RBFOX1: variants seen among roughly 807,000 people sequenced by gnomAD.
RBFOX1 encodes RNA binding fox-1 homolog 1.
Under a neutral mutation model 57.7 loss-of-function variants are expected in RBFOX1, and 8 were observed. The ratio of observed to expected loss-of-function variants is 0.14; its 90% confidence interval spans 0.08 to 0.25. The LOEUF is 0.25. Among genes scored for constraint, RBFOX1 ranks in the 10% least tolerant of loss-of-function variants. The pLI is 1.00. For missense variants in RBFOX1, 611 were observed against 548.5 expected, an observed-to-expected ratio of 1.11 and a Z score of -1.14; for synonymous variants, 326 against 222.4, an observed-to-expected ratio of 1.47 and a Z score of -4.15.
At chr16:5,800,145 C>A (rs553768807) in intron 3 of RBFOX1, among the ~76,000 whole-genome samples, 1 of 151,948 alleles carries the variant, frequency 6.6e-6, no homozygotes, top group South Asian at 2.1e-4. Flanking sequence ...AACTGTAGAA[C>A]AAGCCAGACT....
intron 2 of RBFOX1, among the ~76,000 whole-genome samples, chr16:6,432,426 C>T (rs773752509): frequency 3.3e-5 from 5 of 151,484 alleles, no homozygotes; most frequent in African/African-American, 9.7e-5. Context: ...AATACCAGCA[C>T]TTTGGGAGGG....
chr16:6,010,389 A>G (rs2094954444), intron 4 of RBFOX1, among the ~76,000 whole-genome samples: 1 of 152,224 alleles, frequency 6.6e-6, no homozygotes, highest in African/African-American at 2.4e-5. Context: ...GTTTTATACT[A>G]GCTCCAAGAA....
At chr16:6,077,511 T>G (rs2095922470) in intron 1 of RBFOX1, among the ~76,000 whole-genome samples, 1 of 152,052 alleles carries the variant, frequency 6.6e-6, no homozygotes, top group Non-Finnish European at 1.5e-5. Flanking sequence ...CTCTTGGAAT[T>G]GTGTCGTGCT....
At chr16:5,820,452 T>C (rs2055805544) in intron 3 of RBFOX1, among the ~76,000 whole-genome samples, 2 of 152,142 alleles carry the variant, frequency 1.3e-5, no homozygotes, top group East Asian at 3.9e-4. Flanking sequence ...CGTGCCGGGA[T>C]TGATCAGCAT....
chr16:6,611,191 G>A (rs756119419), intron 2 of RBFOX1, among the ~76,000 whole-genome samples: 1 of 152,180 alleles, frequency 6.6e-6, no homozygotes, highest in African/African-American at 2.4e-5. Flanking sequence ...CTGTCACCCA[G>A]GCTGGAGTAT....
At chr16:6,985,096 C>T (rs1304574291) in intron 3 of RBFOX1, among the ~76,000 whole-genome samples, 1 of 151,914 alleles carries the variant, frequency 6.6e-6, no homozygotes, top group African/African-American at 2.4e-5. Context: ...ATTTCCTCTC[C>T]CCTCTCCTTC....
At chr16:6,085,439 A>G (rs1031199080) in intron 1 of RBFOX1, among the ~76,000 whole-genome samples, 1 of 151,876 alleles carries the variant, frequency 6.6e-6, no homozygotes, top group Non-Finnish European at 1.5e-5. Flanking sequence ...TGCCCAGCTA[A>G]TTTTGTATTT....
chr16:7,526,596 C>T (rs1402662183), intron 5 of RBFOX1, among the ~76,000 whole-genome samples: 1 of 152,152 alleles, frequency 6.6e-6, no homozygotes, highest in Non-Finnish European at 1.5e-5. Context: ...GCCTCATGTA[C>T]TTACATTGAA....
intron 3 of RBFOX1, among the ~76,000 whole-genome samples, chr16:6,994,026 C>T (rs1414401928): frequency 6.6e-6 from 1 of 152,106 alleles, no homozygotes; most frequent in Non-Finnish European, 1.5e-5. Context: ...GGCTGAATTT[C>T]CTCAATCCAC....
At chr16:6,717,165 G>C (rs938323320) in intron 3 of RBFOX1, among the ~76,000 whole-genome samples, 2 of 152,230 alleles carry the variant, frequency 1.3e-5, no homozygotes, top group African/African-American at 2.4e-5. Flanking sequence ...AAGATGCACG[G>C]TCTATGGTAT....
chr16:7,090,547 A>G (rs2060658264), intron 4 of RBFOX1, among the ~76,000 whole-genome samples: 1 of 152,236 alleles, frequency 6.6e-6, no homozygotes, highest in Non-Finnish European at 1.5e-5. Flanking sequence ...TAATATGTCC[A>G]TCATTTGGTG....
intron 4 of RBFOX1, among the ~76,000 whole-genome samples, chr16:5,932,491 C>G (rs2152250403): frequency 6.6e-6 from 1 of 152,276 alleles, no homozygotes; most frequent in East Asian, 1.9e-4. Flanking sequence ...CAGACAGAGA[C>G]CCCAGCCATG....
At chr16:5,858,448 C>T (rs1489630333) in intron 3 of RBFOX1, among the ~76,000 whole-genome samples, 1 of 152,166 alleles carries the variant, frequency 6.6e-6, no homozygotes, top group African/African-American at 2.4e-5. Flanking sequence ...AAGGGCAAAC[C>T]AAGGACAGAG....
intron 4 of RBFOX1, among the ~76,000 whole-genome samples, chr16:5,896,923 GTC>G (rs1174711380): frequency 6.8e-6 from 1 of 148,020 alleles, no homozygotes; most frequent in Non-Finnish European, 1.5e-5. Context: ...TCTCACCTTT[GTC>G]TCTCCAACAT....
chr16:7,293,032 C>A (rs970058122), intron 4 of RBFOX1, among the ~76,000 whole-genome samples: 1 of 152,086 alleles, frequency 6.6e-6, no homozygotes, highest in African/African-American at 2.4e-5. Context: ...AAGTCTGGAA[C>A]CAAGACAGTT....
At chr16:7,157,365 T>C (rs1820850336) in intron 4 of RBFOX1, among the ~76,000 whole-genome samples, 2 of 152,002 alleles carry the variant, frequency 1.3e-5, no homozygotes, top group Non-Finnish European at 2.9e-5. Flanking sequence ...AATTTGGCAA[T>C]AAATGTATGG....
chr16:7,452,823 G>A (rs2057640855), intron 4 of RBFOX1, among the ~76,000 whole-genome samples: 1 of 152,112 alleles, frequency 6.6e-6, no homozygotes, highest in South Asian at 2.1e-4. Context: ...GTCACAAAAG[G>A]TAAATGTAAA....
chr16:6,429,128 TGTC>T (rs2094008297), intron 2 of RBFOX1, among the ~76,000 whole-genome samples: 4 of 152,212 alleles, frequency 2.6e-5, no homozygotes, highest in Admixed American at 6.5e-5. Context: ...AGCTGTGAAA[TGTC>T]GTGGCTGCCT....
chr16:7,670,208 C>G (rs987561406), intron 13 of RBFOX1, among the ~76,000 whole-genome samples: 1 of 151,924 alleles, frequency 6.6e-6, no homozygotes, highest in African/African-American at 2.4e-5. Flanking sequence ...ATTTTTGGAT[C>G]CTTAGTAGAG....
Sources: gnomAD v4.1 joint callset for allele counts (sites outside exome capture counted in the v4.1 genomes callset) on GRCh38, gnomAD v4.1.1 for gene constraint, MANE v1.5 for transcripts, NCBI Gene and HGNC (gene_info 2026-07-23, HGNC 2026-07-21) for gene names.